The following BTRC variants were observed in gnomAD, a reference collection of about 807,000 sequenced individuals.
BTRC encodes the protein beta-transducin repeat containing E3 ubiquitin protein ligase.
In BTRC, 42 loss-of-function variants were observed where a neutral mutation model predicts 85.5. The observed-to-expected ratio is 0.49, with a 90% CI of 0.38 to 0.64. The LOEUF (loss-of-function observed/expected upper bound fraction) is 0.64. Ranked by LOEUF, BTRC falls within the 30% of genes least tolerant of loss-of-function variation. The pLI, the probability that BTRC is intolerant of heterozygous loss-of-function variation, is 0.00. For missense variants in BTRC, 594 were observed against 743.5 expected (o/e 0.80, Z 2.34); for synonymous variants, 255 against 263.3 (o/e 0.97, Z 0.30).
chr10:101,356,635 T>A (rs1564723480), intron 1 of BTRC, among the ~76,000 whole-genome samples: 1 of 152,186 alleles, frequency 6.6e-6, no homozygotes, highest in Non-Finnish European at 1.5e-5. Flanking sequence ...TTGCCTGCTG[T>A]TTTGGCTGCC....
intron 1 of BTRC, among the ~76,000 whole-genome samples, chr10:101,376,692 T>C (rs1355598100): frequency 6.6e-6 from 1 of 152,158 alleles, no homozygotes; most frequent in East Asian, 1.9e-4. Flanking sequence ...CCATCAGCCA[T>C]GGCATCTTTA....
intron 2 of BTRC, among the ~76,000 whole-genome samples, chr10:101,431,248 T>G (rs1401786443): frequency 6.6e-6 from 1 of 151,958 alleles, no homozygotes; most frequent in Non-Finnish European, 1.5e-5. Flanking sequence ...GGCTAATTTT[T>G]GTATTTTTAG....
At chr10:101,354,609 G>T (rs1447342658) in intron 1 of BTRC, 8 of 280,078 alleles carry the variant, frequency 2.9e-5, no homozygotes, top group African/African-American at 1.8e-4. Flanking sequence ...CAGGGTTACC[G>T]GTAAGGCCCG....
chr10:101,448,038 T>C (rs1230534855), intron 2 of BTRC, among the ~76,000 whole-genome samples: 5 of 152,172 alleles, frequency 3.3e-5, no homozygotes, highest in Non-Finnish European at 7.4e-5. Context: ...TCGAAGATAG[T>C]TACGGTGTGG....
intron 1 of BTRC, among the ~76,000 whole-genome samples, chr10:101,365,583 C>A (rs1942348983): frequency 1.3e-5 from 2 of 151,972 alleles, no homozygotes; most frequent in South Asian, 4.1e-4. Flanking sequence ...TCAAGCAATT[C>A]TCCTGCCTCA....
Position 101,411,203 on chromosome 10 carries a change from A to C in BTRC, c.49-19142A>C, listed in dbSNP as rs1051988262. On this transcript the variant is annotated intron_variant, in intron 1 of 14. Coordinates refer to ENST00000370187, the MANE Select transcript of BTRC (RefSeq NM_033637.4). Reference sequence around the variant, plus strand: ...GAGATGGGATTTCACCATGTTGGCCAGGCTGGTCTCGAACTCCTGACCTCA... The same window carrying C: ...GAGATGGGATTTCACCATGTTGGCCCGGCTGGTCTCGAACTCCTGACCTCA... Among the ~76,000 whole-genome samples the C allele has an allele frequency of 5.3e-5, 8 of 152,146 alleles. No individual in the cohort carries two copies. In the South Asian group the frequency reaches 1.7e-3, roughly 32 times the overall value.
intron 3 of BTRC, among the ~76,000 whole-genome samples, chr10:101,468,686 A>G (rs1343155299): frequency 6.6e-6 from 1 of 152,186 alleles, no homozygotes; most frequent in African/African-American, 2.4e-5. Flanking sequence ...AACGATTTTC[A>G]TTATACTATA....
At chr10:101,528,151 G>C (rs913179663) in intron 6 of BTRC, among the ~76,000 whole-genome samples, 8 of 152,158 alleles carry the variant, frequency 5.3e-5, no homozygotes, top group Non-Finnish European at 7.3e-5. Flanking sequence ...TAGCTATAAA[G>C]GTTCTGTTAC....
At chr10:101,465,760 G>A (rs1377195912) in intron 3 of BTRC, among the ~76,000 whole-genome samples, 1 of 152,168 alleles carries the variant, frequency 6.6e-6, no homozygotes, top group Non-Finnish European at 1.5e-5. Context: ...CCCTGTGTCT[G>A]TCACCAAGTC....
intron 2 of BTRC, among the ~76,000 whole-genome samples, chr10:101,456,943 C>T (rs1945098297): frequency 6.6e-6 from 1 of 152,238 alleles, no homozygotes; most frequent in African/African-American, 2.4e-5. Flanking sequence ...TTTTAATATA[C>T]TATAGTCCCC....
At chr10:101,442,232 T>A (rs1944700751) in intron 2 of BTRC, among the ~76,000 whole-genome samples, 1 of 143,938 alleles carries the variant, frequency 6.9e-6, no homozygotes, top group Non-Finnish European at 1.6e-5. Flanking sequence ...TACTCTTTTC[T>A]GGAGTTGCGA....
intron 1 of BTRC, among the ~76,000 whole-genome samples, chr10:101,370,682 A>C (rs1590212080): frequency 1.9e-5 from 2 of 102,644 alleles, no homozygotes; most frequent in Non-Finnish European, 3.6e-5. Flanking sequence ...CGATCCTCCC[A>C]CCTCAACTTC....
At chr10:101,366,652 A>G (rs1942383160) in intron 1 of BTRC, among the ~76,000 whole-genome samples, 1 of 148,974 alleles carries the variant, frequency 6.7e-6, no homozygotes, top group South Asian at 2.1e-4. Flanking sequence ...AAAGGCCAGG[A>G]GATCAGAAGT....
At chr10:101,378,599 A>T (rs1942850553) in intron 1 of BTRC, among the ~76,000 whole-genome samples, 2 of 144,658 alleles carry the variant, frequency 1.4e-5, no homozygotes, top group South Asian at 4.3e-4. Context: ...ATCTTGGTGC[A>T]CTGCAACCCC....
chr10:101,533,990 A>C (rs2062341840), intron 9 of BTRC, among the ~76,000 whole-genome samples: 1 of 152,218 alleles, frequency 6.6e-6, no homozygotes, highest in African/African-American at 2.4e-5. Flanking sequence ...AAAGGGGGCT[A>C]AACTGGAAAA....
At chr10:101,389,643 A>C (rs1943187402) in intron 1 of BTRC, among the ~76,000 whole-genome samples, 1 of 95,622 alleles carries the variant, frequency 1.0e-5, no homozygotes, top group African/African-American at 4.1e-5. Context: ...TTTTTGAGAC[A>C]GGGTCTTTCT....
At chr10:101,381,989 TTTTTTTTTTTTG>T (rs1942944642) in intron 1 of BTRC, among the ~76,000 whole-genome samples, 12 of 86,564 alleles carry the variant, frequency 1.4e-4, no homozygotes, top group South Asian at 3.9e-4. Flanking sequence ...TTTTTTTTTT[TTTTTTTTTTTTG>T]AGATGGCGTC....
intron 1 of BTRC, among the ~76,000 whole-genome samples, chr10:101,415,241 T>C (rs1018787451): frequency 5.3e-5 from 8 of 151,258 alleles, no homozygotes; most frequent in African/African-American, 1.7e-4. Flanking sequence ...AGTGGTGAGA[T>C]CTCGGCTTAC....
intron 1 of BTRC, among the ~76,000 whole-genome samples, chr10:101,387,708 G>C (rs1283332649): frequency 2.0e-5 from 3 of 147,712 alleles, no homozygotes; most frequent in African/African-American, 7.5e-5. Context: ...TTTTTTTCTT[G>C]AGACGGAGTC....
Sources: gnomAD v4.1 joint callset for allele counts (sites outside exome capture counted in the v4.1 genomes callset) on GRCh38, gnomAD v4.1.1 for gene constraint, MANE v1.5 for transcripts, NCBI Gene and HGNC (gene_info 2026-07-23, HGNC 2026-07-21) for gene names.